KATNIP: variants seen among roughly 807,000 people sequenced by gnomAD.
KATNIP encodes katanin interacting protein.
Under a neutral mutation model 174.0 loss-of-function variants are expected in KATNIP, and 126 were observed. That is an observed-to-expected ratio of 0.72 (90% CI 0.63 to 0.84). KATNIP has a LOEUF of 0.84. Ranked by LOEUF, KATNIP falls within the 40% of genes least tolerant of loss-of-function variation. The pLI is 0.00. For missense variants in KATNIP, 1,958 were observed against 2,109.7 expected (o/e 0.93, Z 1.41); for synonymous variants, 810 against 835.7 (o/e 0.97, Z 0.53).
intron 3 of KATNIP, among the ~76,000 whole-genome samples, chr16:27,624,648 T>A (rs1408453429): frequency 1.3e-5 from 2 of 151,392 alleles, no homozygotes; most frequent in Non-Finnish European, 2.9e-5. Flanking sequence ...AGACCCTGTC[T>A]CTACAAAAAA....
At chr16:27,696,143 T>C (rs1026603560) in intron 8 of KATNIP, among the ~76,000 whole-genome samples, 4 of 152,234 alleles carry the variant, frequency 2.6e-5, no homozygotes, top group African/African-American at 9.6e-5. Context: ...ACTGCAACTT[T>C]GCAATACTTG....
In KATNIP at chr16:27,760,138, C is replaced by A. The variant is rs114270399; in HGVS notation, c.3632-1275C>A. On this transcript the variant is annotated intron_variant, in intron 18 of 27. Transcript: ENST00000261588. ...TTTCACCTCTCTGGGCTTCCAGTTC[C>A]TCATCTGAGCTGCAAGGGGGTGGTG... is the stretch of plus-strand genomic sequence containing the variant. Among the ~76,000 whole-genome samples, 361 of 152,320 alleles carry A rather than the reference C, an allele frequency of 2.4e-3. 3 individuals carry two copies. Among genetic ancestry groups the A allele is most frequent in the African/African-American group, 7.7e-3 (319 of 41,556 alleles).
chr16:27,640,445 G>A lies in KATNIP; in HGVS notation c.409-8159G>A, dbSNP rs999851341. Among the ~76,000 whole-genome samples, 5 of 152,198 alleles carry A rather than the reference G, an allele frequency of 3.3e-5. No individual in the cohort carries two copies. In the South Asian group the frequency reaches 6.2e-4, roughly 19 times the overall value. ...GCTGCTCACTGGAGGTGAGCCTTCC[G>A]TGTGGGCAGGGCTGCTTTCAATCTC... On this transcript the variant is annotated intron_variant, in intron 5 of 27. Coordinates refer to ENST00000261588, the MANE Select transcript of KATNIP (RefSeq NM_015202.5).
intron 11 of KATNIP, among the ~76,000 whole-genome samples, chr16:27,701,998 C>A (rs1387459261): frequency 1.3e-5 from 2 of 152,148 alleles, no homozygotes; most frequent in African/African-American, 4.8e-5. Flanking sequence ...CACAACGTTG[C>A]CCAGGTTGGT....
chr16:27,654,789 AG>A, intron 6 of KATNIP: 1 of 1,345,144 alleles, frequency 7.4e-7, no homozygotes, highest in East Asian at 4.6e-5. Flanking sequence ...TCTTTTCCGT[AG>A]CCAAGCAGCT....
In KATNIP at chr16:27,775,042, T is replaced by C. The variant is rs776049038; in HGVS notation, c.4407T>C (p.Ser1469=). 6 of 1,613,314 alleles carry C rather than the reference T, an allele frequency of 3.7e-6. No individual in the cohort carries two copies. The highest frequency in any genetic ancestry group is 5.1e-6 in the Non-Finnish European group (6 of 1,179,780). ...TCATCGACCAAGTGAACGACACCAG[T>C]GATGGCCGGCACATGTGGCTGGCTC... ...DKLIDQVNDT[S]DGRHMWLAPI... Residue 1469 remains serine (S), a synonymous_variant, in exon 24 of 28, where the codon AGT becomes AGC. Transcript: ENST00000261588.
At chr16:27,753,826 C>G (rs765159861) in intron 17 of KATNIP, among the ~76,000 whole-genome samples, 2 of 150,552 alleles carry the variant, frequency 1.3e-5, no homozygotes, top group African/African-American at 2.4e-5. Flanking sequence ...TCTCTTCTTC[C>G]CTTCCTCCTC....
chr16:27,753,413 G>C (rs938829045), intron 17 of KATNIP, among the ~76,000 whole-genome samples: 2 of 152,152 alleles, frequency 1.3e-5, no homozygotes, highest in African/African-American at 4.8e-5. Context: ...GCTCGTAAGG[G>C]ACTCTGATGG....
intron 6 of KATNIP, among the ~76,000 whole-genome samples, chr16:27,653,601 A>G (rs2077180977): frequency 6.6e-6 from 1 of 151,408 alleles, no homozygotes; most frequent in Non-Finnish European, 1.5e-5. Context: ...TAACATTTTT[A>G]ATGGTTATTT....
At chr16:27,551,596 T>G (rs1364611825) in intron 1 of KATNIP, among the ~76,000 whole-genome samples, 1 of 152,138 alleles carries the variant, frequency 6.6e-6, no homozygotes, top group African/African-American at 2.4e-5. Flanking sequence ...TTAAAAATAA[T>G]AAAAATTGGG....
chr16:27,706,827 C>T (rs761812404), intron 12 of KATNIP, among the ~76,000 whole-genome samples: 7 of 152,228 alleles, frequency 4.6e-5, no homozygotes, highest in Admixed American at 1.3e-4. Context: ...GACCACTCAC[C>T]TGGCCCTGGA....
At position 27,618,324 on chromosome 16, in the gene KATNIP, C is replaced by T. The variant is rs1050156913; in HGVS notation, c.64-101C>T. ...GTGTTGGGCCTTCGTCAAGGTCAGC[C>T]TCCGCCTCTCAGCCTGCTGCGCCGG... On this transcript the variant is annotated intron_variant, in intron 2 of 27. Coordinates refer to ENST00000261588, the MANE Select transcript of KATNIP (RefSeq NM_015202.5). The T allele has an allele frequency of 1.7e-5, 15 of 899,054 alleles. 2 individuals are homozygous for T. Among genetic ancestry groups the T allele is most frequent in the Middle Eastern group, 2.2e-4 (1 of 4,504 alleles). The allele number at this position is 899,054 out of a possible 1,614,324, so 55.7% of individuals were successfully genotyped here.
rs1291261516 is a variant in KATNIP, at chr16:27,628,754, G to A, written c.234G>A (p.Ser78=). 7.4e-6 allele frequency: 12 copies of A among 1,614,066 alleles called. No homozygotes were observed. Among genetic ancestry groups the A allele is most frequent in the Middle Eastern group, 1.6e-4 (1 of 6,084 alleles). Residue 78 remains serine (S), a synonymous_variant, in exon 4 of 28, where the codon TCG becomes TCA. Transcript: ENST00000261588. ...CTGTCTATGTCAACGGTGCCAATTCGGAGCTGAAATCATCACCGCGGAAAG... is the reference window on the plus strand; with the variant it reads ...CTGTCTATGTCAACGGTGCCAATTCAGAGCTGAAATCATCACCGCGGAAAG... ...GFSVYVNGAN[S]ELKSSPRKAI...
At chr16:27,696,954 C>T (rs572205451) in intron 8 of KATNIP, among the ~76,000 whole-genome samples, 1 of 152,148 alleles carries the variant, frequency 6.6e-6, no homozygotes. Context: ...ATCTCGAACT[C>T]CTGACTTCAG....
chr16:27,602,756 T>G (rs911166783), intron 2 of KATNIP, among the ~76,000 whole-genome samples: 4 of 152,156 alleles, frequency 2.6e-5, no homozygotes, highest in Non-Finnish European at 5.9e-5. Context: ...TGGAGTGCAG[T>G]GGCACAATCT....
At chr16:27,568,343 C>G (rs1318849194) in intron 1 of KATNIP, among the ~76,000 whole-genome samples, 1 of 152,194 alleles carries the variant, frequency 6.6e-6, no homozygotes, top group Non-Finnish European at 1.5e-5. Context: ...TGTTTGTTTC[C>G]TATTTGTGGA....
chr16:27,775,682 T>G (rs1384457220), intron 24 of KATNIP, among the ~76,000 whole-genome samples: 2 of 152,012 alleles, frequency 1.3e-5, no homozygotes, highest in African/African-American at 4.8e-5. Context: ...GGAGAGGGCA[T>G]GGACGGGGTG....
Position 27,769,920 on chromosome 16 carries a change from C to T in KATNIP, c.4035C>T (p.Leu1345=). The T allele has an allele frequency of 6.2e-7, 1 of 1,614,258 alleles. No homozygotes were observed. The highest frequency in any genetic ancestry group is 2.2e-5 in the East Asian group (1 of 44,892). The change falls in exon 21 of 28, where the codon CTC becomes CTT. Residue 1345 remains leucine, a synonymous_variant. Transcript: ENST00000261588. ...GCGTCTCCCCGCCAGAGGGCTTTCT[C>T]ATCCGGAAGGGGCCAGGCAACTGCC... The part of the protein sequence containing the change: ...GLCVSPPEGF[L]IRKGPGNCHF...
At chr16:27,577,979 A>G (rs1311926160) in intron 2 of KATNIP, among the ~76,000 whole-genome samples, 1 of 152,128 alleles carries the variant, frequency 6.6e-6, no homozygotes, top group East Asian at 1.9e-4. Flanking sequence ...GCCTGGTGCA[A>G]TTCATTCATT....
Sources: gnomAD v4.1 joint callset for allele counts (sites outside exome capture counted in the v4.1 genomes callset) on GRCh38, gnomAD v4.1.1 for gene constraint, MANE v1.5 for transcripts, NCBI Gene and HGNC (gene_info 2026-07-23, HGNC 2026-07-21) for gene names.